The following PDE3A variants were observed in gnomAD, a reference collection of about 807,000 sequenced individuals.
The protein encoded by PDE3A is phosphodiesterase 3A, also known as cGMP-inhibited 3',5'-cyclic phosphodiesterase 3A.
PDE3A carries 43 observed loss-of-function variants against 98.3 expected under a neutral mutation model. The observed-to-expected ratio is 0.44, with a 90% confidence interval of 0.34 to 0.56. The LOEUF is 0.56. Among genes scored for constraint, PDE3A ranks in the 20% least tolerant of loss-of-function variants. The probability of loss-of-function intolerance (pLI) is 0.01; values close to 1 mark genes in which losing one functional copy is unlikely to be tolerated. For missense variants in PDE3A, 1,427 were observed against 1,440.7 expected (o/e 0.99, Z 0.15); for synonymous variants, 663 against 567.9 (o/e 1.17, Z -2.38).
intron 1 of PDE3A, among the ~76,000 whole-genome samples, chr12:20,497,990 C>T (rs1324715452): frequency 6.6e-6 from 1 of 151,990 alleles, no homozygotes; most frequent in Non-Finnish European, 1.5e-5. Flanking sequence ...TTACCAATTG[C>T]GTATGAGCTA....
intron 1 of PDE3A, among the ~76,000 whole-genome samples, chr12:20,478,463 T>A (rs1945566655): frequency 6.6e-6 from 1 of 152,200 alleles, no homozygotes; most frequent in Admixed American, 6.5e-5. Context: ...GGCTGAGCAA[T>A]ACACACCTGC....
intron 1 of PDE3A, among the ~76,000 whole-genome samples, chr12:20,512,416 C>T (rs992164921): frequency 6.6e-6 from 1 of 152,036 alleles, no homozygotes; most frequent in African/African-American, 2.4e-5. Flanking sequence ...GAGATGAAGA[C>T]AAATCCGATA....
At chr12:20,663,989 T>G (rs1945244691) in intron 15 of PDE3A, among the ~76,000 whole-genome samples, 1 of 152,070 alleles carries the variant, frequency 6.6e-6, no homozygotes, top group African/African-American at 2.4e-5. Context: ...AATTGAATCA[T>G]GGGGGTGGTT....
intron 1 of PDE3A, among the ~76,000 whole-genome samples, chr12:20,492,671 CA>C (rs1945849771): frequency 6.6e-6 from 1 of 152,052 alleles, no homozygotes; most frequent in Admixed American, 6.5e-5. Context: ...GAAATGCAGC[CA>C]CTATTGGATT....
At chr12:20,517,526 A>C (rs1485555386) in intron 1 of PDE3A, among the ~76,000 whole-genome samples, 1 of 152,164 alleles carries the variant, frequency 6.6e-6, no homozygotes, top group East Asian at 1.9e-4. Context: ...TTCTTTATAA[A>C]ATTTCTGCTG....
intron 15 of PDE3A, among the ~76,000 whole-genome samples, chr12:20,661,485 C>T (rs912077685): frequency 6.6e-6 from 1 of 152,142 alleles, no homozygotes; most frequent in Admixed American, 6.5e-5. Flanking sequence ...CATGGCAGCC[C>T]CTCCCATCAC....
chr12:20,401,890 G>A (rs1458092456), intron 1 of PDE3A, among the ~76,000 whole-genome samples: 1 of 152,156 alleles, frequency 6.6e-6, no homozygotes, highest in Non-Finnish European at 1.5e-5. Flanking sequence ...GAGGCAATGA[G>A]ATATCATCAT....
Position 20,422,947 on chromosome 12 carries a change from T to C in PDE3A, c.960+52703T>C, listed in dbSNP as rs139825995. ...CATCTTTATCTAATTTGTTATATTA[T>C]GTTACAGTAATAGTTTAATATTGTA... On this transcript the variant is annotated intron_variant, in intron 1 of 15. Transcript: ENST00000359062. 7.3e-3 allele frequency among the ~76,000 whole-genome samples: 1,117 copies of C among 152,320 alleles called. 14 individuals are homozygous for C. The highest frequency in any genetic ancestry group is 0.025 in the African/African-American group (1,047 of 41,576).
chr12:20,505,920 A>G (rs1565571066), intron 1 of PDE3A, among the ~76,000 whole-genome samples: 2 of 152,048 alleles, frequency 1.3e-5, no homozygotes. Context: ...ATAAGGCGCC[A>G]AGTCCATTGG....
At chr12:20,590,546 G>A (rs1474223728) in intron 2 of PDE3A, among the ~76,000 whole-genome samples, 2 of 150,974 alleles carry the variant, frequency 1.3e-5, no homozygotes, top group Admixed American at 1.3e-4. Flanking sequence ...AGGCTAAGTT[G>A]GGAGGATCAC....
intron 1 of PDE3A, among the ~76,000 whole-genome samples, chr12:20,492,628 G>A (rs1038960373): frequency 6.6e-6 from 1 of 152,114 alleles, no homozygotes; most frequent in Admixed American, 6.6e-5. Flanking sequence ...GTGGGAAAGG[G>A]GCTACTGAAC....
At chr12:20,512,831 G>A (rs1946252140) in intron 1 of PDE3A, among the ~76,000 whole-genome samples, 2 of 152,024 alleles carry the variant, frequency 1.3e-5, no homozygotes, top group Admixed American at 1.3e-4. Flanking sequence ...TGTTCACTGG[G>A]AGAAAAAGAC....
chr12:20,549,043 C>T lies in PDE3A; in HGVS notation c.961-7617C>T, dbSNP rs542864676. ...TTGTGAAACATTTATCCCTATGGTT[C>T]TGTTTAATAGGAGTACTTACCAGTA... On this transcript the variant is annotated intron_variant, in intron 1 of 15. Coordinates refer to ENST00000359062, the MANE Select transcript of PDE3A (RefSeq NM_000921.5). Among the ~76,000 whole-genome samples the T allele has an allele frequency of 7.9e-5, 12 of 151,918 alleles. No individual in the cohort carries two copies. In the East Asian group the frequency reaches 2.3e-3, roughly 29 times the overall value.
chr12:20,654,526 T>C (rs1944996491), intron 15 of PDE3A, among the ~76,000 whole-genome samples: 1 of 141,382 alleles, frequency 7.1e-6, no homozygotes, highest in Admixed American at 7.0e-5. Flanking sequence ...AGGCAGAGTC[T>C]TGCTCTGTCA....
rs139043636 is a variant in PDE3A at position 20,433,780 on chromosome 12, T to G, written c.960+63536T>G. Reference sequence around the variant, plus strand: ...AATATATGTCTTCTCTGTCACAATTTTGCCTTCAGATTCATTGTTTGTAGA... The same window carrying G: ...AATATATGTCTTCTCTGTCACAATTGTGCCTTCAGATTCATTGTTTGTAGA... On this transcript the variant is annotated intron_variant, in intron 1 of 15. Transcript: ENST00000359062. 1.8e-3 allele frequency among the ~76,000 whole-genome samples: 280 copies of G among 152,312 alleles called. 2 individuals are homozygous for G. Among genetic ancestry groups the G allele is most frequent in the African/African-American group, 6.4e-3 (266 of 41,572 alleles).
chr12:20,644,174 T>G (rs1391226325), intron 10 of PDE3A, among the ~76,000 whole-genome samples: 1 of 152,212 alleles, frequency 6.6e-6, no homozygotes, highest in Non-Finnish European at 1.5e-5. Context: ...GACTGCCATT[T>G]TCCTACCATA....
intron 1 of PDE3A, among the ~76,000 whole-genome samples, chr12:20,434,336 C>T (rs544911988): frequency 1.3e-5 from 2 of 152,216 alleles, no homozygotes; most frequent in South Asian, 4.1e-4. Flanking sequence ...CATTGAAATT[C>T]TATAGGGGCT....
intron 1 of PDE3A, among the ~76,000 whole-genome samples, chr12:20,530,984 A>G (rs1941581847): frequency 6.6e-6 from 1 of 152,182 alleles, no homozygotes; most frequent in Non-Finnish European, 1.5e-5. Context: ...ACTCTCCCTT[A>G]TGATAATCCA....
chr12:20,665,342 AT>A (rs536895684), intron 15 of PDE3A, among the ~76,000 whole-genome samples: 74 of 152,166 alleles, frequency 4.9e-4, no homozygotes, highest in South Asian at 6.2e-4. Context: ...TTTGAAATAT[AT>A]TTTTTTCTGT....
Sources: allele counts gnomAD v4.1 joint callset (sites outside exome capture counted in the v4.1 genomes callset), GRCh38; gene constraint gnomAD v4.1.1; transcripts MANE v1.5; gene names NCBI Gene and HGNC (gene_info 2026-07-23, HGNC 2026-07-21).